EPHA6: variants seen among roughly 807,000 people sequenced by gnomAD.
EPHA6 encodes the protein ephrin type-A receptor 6.
Under a neutral mutation model 112.0 loss-of-function variants are expected in EPHA6, and 50 were observed. The observed-to-expected ratio is 0.45, with a 90% confidence interval of 0.36 to 0.56. The LOEUF (loss-of-function observed/expected upper bound fraction) is 0.56. Ranked by LOEUF, EPHA6 falls within the 20% of genes least tolerant of loss-of-function variation. The pLI is 0.00. For missense variants in EPHA6, 1,280 were observed against 1,417.4 expected, an observed-to-expected ratio of 0.90 and a Z score of 1.56; for synonymous variants, 529 against 490.7, an observed-to-expected ratio of 1.08 and a Z score of -1.03.
At chr3:97,536,078 C>T (rs2092759671) in intron 11 of EPHA6, among the ~76,000 whole-genome samples, 1 of 152,034 alleles carries the variant, frequency 6.6e-6, no homozygotes, top group African/African-American at 2.4e-5. Context: ...GATTAATTGA[C>T]CCATAACCAT....
intron 14 of EPHA6, chr3:97,646,363 A>C (rs2094063287): frequency 8.4e-7 from 1 of 1,191,246 alleles, no homozygotes; most frequent in African/African-American, 1.6e-5. Context: ...TATATAAGAC[A>C]GTATTGTCCA....
At chr3:97,539,447 G>A (rs144664860) in intron 11 of EPHA6, among the ~76,000 whole-genome samples, 113 of 152,098 alleles carry the variant, frequency 7.4e-4, no homozygotes, top group African/African-American at 2.7e-3. Context: ...CACACCTGCC[G>A]TTCCAGGCAC....
intron 7 of EPHA6, chr3:97,466,184 C>T (rs1372688434): frequency 2.8e-6 from 2 of 708,106 alleles, no homozygotes; most frequent in Non-Finnish European, 5.2e-6. Context: ...TTTCACCCTA[C>T]ACTTCCAATC....
chr3:97,201,374 T>C (rs2077573354), intron 3 of EPHA6, among the ~76,000 whole-genome samples: 1 of 152,098 alleles, frequency 6.6e-6, no homozygotes, highest in Admixed American at 6.6e-5. Context: ...TTTATATAAT[T>C]ATTTTTCATA....
At chr3:96,911,617 T>C (rs78548266) in intron 2 of EPHA6, among the ~76,000 whole-genome samples, 1 of 152,006 alleles carries the variant, frequency 6.6e-6, no homozygotes, top group African/African-American at 2.4e-5. Flanking sequence ...TGTTCATACA[T>C]GGTGCTGGGC....
At chr3:96,856,638 A>T (rs1292767670) in intron 1 of EPHA6, among the ~76,000 whole-genome samples, 1 of 152,182 alleles carries the variant, frequency 6.6e-6, no homozygotes, top group Admixed American at 6.6e-5. Flanking sequence ...TAGAAAATTT[A>T]TCTGTGTTTC....
intron 2 of EPHA6, among the ~76,000 whole-genome samples, chr3:96,965,739 A>C (rs530152586): frequency 6.6e-6 from 1 of 152,124 alleles, no homozygotes; most frequent in East Asian, 1.9e-4. Context: ...GCCCTCGTTC[A>C]GCAACATTTG....
intron 5 of EPHA6, among the ~76,000 whole-genome samples, chr3:97,341,666 A>G (rs147204232): frequency 2.0e-5 from 3 of 152,270 alleles, no homozygotes; most frequent in Admixed American, 2.0e-4. Flanking sequence ...TAAGTGTAAC[A>G]TATAGGAAAC....
At chr3:97,594,423 T>C (rs2107357093) in intron 12 of EPHA6, among the ~76,000 whole-genome samples, 1 of 152,350 alleles carries the variant, frequency 6.6e-6, no homozygotes, top group East Asian at 1.9e-4. Context: ...TTTTCATGAC[T>C]TACATACAAA....
At chr3:97,146,062 C>T (rs2076038200) in intron 3 of EPHA6, among the ~76,000 whole-genome samples, 1 of 151,598 alleles carries the variant, frequency 6.6e-6, no homozygotes, top group South Asian at 2.1e-4. Flanking sequence ...TATTTGATTG[C>T]TCCTTTTAAA....
intron 2 of EPHA6, among the ~76,000 whole-genome samples, chr3:96,871,145 A>T (rs2036601795): frequency 6.6e-6 from 1 of 152,030 alleles, no homozygotes; most frequent in African/African-American, 2.4e-5. Flanking sequence ...AATTTCAATT[A>T]TATTGTTCCA....
At chr3:97,735,481 T>C (rs2035214072) in intron 15 of EPHA6, among the ~76,000 whole-genome samples, 1 of 152,028 alleles carries the variant, frequency 6.6e-6, no homozygotes, top group African/African-American at 2.4e-5. Flanking sequence ...ATTGACATTA[T>C]CATAAAAGGA....
At chr3:97,247,692 A>G (rs913888391) in intron 5 of EPHA6, among the ~76,000 whole-genome samples, 1 of 151,906 alleles carries the variant, frequency 6.6e-6, no homozygotes, top group Admixed American at 6.6e-5. Flanking sequence ...GGAGCTGAAG[A>G]GTTCATCTAA....
chr3:97,093,947 G>T (rs1281333695), intron 3 of EPHA6, among the ~76,000 whole-genome samples: 1 of 152,014 alleles, frequency 6.6e-6, no homozygotes, highest in African/African-American at 2.4e-5. Context: ...TGGCTCTTTT[G>T]GGTCAGTAAC....
At chr3:97,272,590 G>A (rs991913819) in intron 5 of EPHA6, among the ~76,000 whole-genome samples, 3 of 151,440 alleles carry the variant, frequency 2.0e-5, no homozygotes, top group African/African-American at 4.9e-5. Context: ...GGGTAAGGCC[G>A]TTTTATAAGA....
At chr3:97,373,004 A>G (rs1019656287) in intron 5 of EPHA6, among the ~76,000 whole-genome samples, 4 of 152,146 alleles carry the variant, frequency 2.6e-5, no homozygotes, top group African/African-American at 9.7e-5. Flanking sequence ...TGATGTATGG[A>G]TGTCCATTAC....
chr3:97,718,141 G>A (rs1249616273), intron 14 of EPHA6, among the ~76,000 whole-genome samples: 2 of 152,158 alleles, frequency 1.3e-5, no homozygotes, highest in Non-Finnish European at 2.9e-5. Context: ...TGGAAATGTG[G>A]CTTCCATATT....
intron 3 of EPHA6, among the ~76,000 whole-genome samples, chr3:97,009,362 G>A (rs894309868): frequency 3.3e-5 from 5 of 152,186 alleles, no homozygotes; most frequent in Admixed American, 6.5e-5. Flanking sequence ...GGATGGGTCC[G>A]GGTTAGACCT....
rs2090448312 is a variant in EPHA6 at position 97,449,245 on chromosome 3, G to A, written c.1894+515G>A. Among the ~76,000 whole-genome samples, 3 of 152,120 alleles carry A rather than the reference G, an allele frequency of 2.0e-5. No homozygotes were observed. The South Asian group carries it at 6.2e-4, about 32-fold the overall frequency. On this transcript the variant is annotated intron_variant, in intron 7 of 17. Transcript: ENST00000389672. ...GCTGAAAACCAAAATGGGAGATGAAGGGAGTGAGATATTCCAATGTCATGT... is the reference window on the plus strand; with the variant it reads ...GCTGAAAACCAAAATGGGAGATGAAAGGAGTGAGATATTCCAATGTCATGT...
Sources: allele counts gnomAD v4.1 joint callset (sites outside exome capture counted in the v4.1 genomes callset), GRCh38; gene constraint gnomAD v4.1.1; transcripts MANE v1.5; gene names NCBI Gene and HGNC (gene_info 2026-07-23, HGNC 2026-07-21).